Variants in APLF observed in about 807,000 individuals in gnomAD.
APLF encodes aprataxin and PNKP like factor.
In APLF, 61 loss-of-function variants were observed where a neutral mutation model predicts 55.6. The observed-to-expected ratio is 1.10, with a 90% CI of 0.89 to 1.36. The LOEUF is 1.36. Among genes scored for constraint, APLF ranks in the 40% most tolerant of loss-of-function variants. The pLI is 0.00. For missense variants in APLF, 611 were observed against 602.5 expected (o/e 1.01, Z -0.15); for synonymous variants, 207 against 214.8 (o/e 0.96, Z 0.32).
At chr2:68,548,519 A>T (rs926651947) in intron 8 of APLF, among the ~76,000 whole-genome samples, 4 of 152,012 alleles carry the variant, frequency 2.6e-5, no homozygotes, top group Non-Finnish European at 5.9e-5. Flanking sequence ...ACATGCACAC[A>T]CACATAAACA....
At position 68,520,374 on chromosome 2, in the gene APLF, C is replaced by T. The variant is rs543472699; in HGVS notation, c.623-5687C>T. On this transcript the variant is annotated intron_variant, in intron 5 of 9. Coordinates refer to ENST00000303795, the MANE Select transcript of APLF (RefSeq NM_173545.3). The stretch of plus-strand genomic sequence containing the variant: ...TTGCATTTGCTTTTGGGTTCTTGGT[C>T]ATGAAGTCTTTTCCTAAGCCAATTT... Among the ~76,000 whole-genome samples the T allele has an allele frequency of 4.6e-5, 7 of 152,034 alleles. No homozygotes were observed. In the East Asian group the frequency reaches 1.2e-3, roughly 25 times the overall value.
chr2:68,539,556 C>T (rs369719531), intron 7 of APLF, among the ~76,000 whole-genome samples: 8 of 152,290 alleles, frequency 5.3e-5, no homozygotes, highest in African/African-American at 1.9e-4. Context: ...AAGCCCCTAT[C>T]TCCAAATTAG....
chr2:68,478,625 G>A (rs2103883137), intron 1 of APLF, among the ~76,000 whole-genome samples: 1 of 152,318 alleles, frequency 6.6e-6, no homozygotes. Context: ...CCAAGCAGCA[G>A]CAGATGAATT....
chr2:68,487,488 A>C (rs1210235608), intron 1 of APLF, among the ~76,000 whole-genome samples: 2 of 152,164 alleles, frequency 1.3e-5, no homozygotes, highest in South Asian at 2.1e-4. Context: ...GAAGTATAAT[A>C]ATAGTATCTT....
At chr2:68,500,335 ACTTT>A (rs1462009808) in intron 2 of APLF, among the ~76,000 whole-genome samples, 6 of 152,208 alleles carry the variant, frequency 3.9e-5, no homozygotes, top group Non-Finnish European at 8.8e-5. Flanking sequence ...TCATGGGTTC[ACTTT>A]CTTTGTGGCT....
At chr2:68,504,429 A>G (rs955092583) in intron 3 of APLF, among the ~76,000 whole-genome samples, 3 of 151,960 alleles carry the variant, frequency 2.0e-5, no homozygotes, top group African/African-American at 4.8e-5. Context: ...TAAAAAGGAT[A>G]ATACTCTATT....
intron 9 of APLF, among the ~76,000 whole-genome samples, chr2:68,576,243 T>C (rs1404808022): frequency 6.6e-6 from 1 of 152,114 alleles, no homozygotes; most frequent in Non-Finnish European, 1.5e-5. Flanking sequence ...AAAATAGAGA[T>C]ATTGATGTTC....
chr2:68,481,246 C>G (rs1226418671), intron 1 of APLF, among the ~76,000 whole-genome samples: 1 of 152,006 alleles, frequency 6.6e-6, no homozygotes, highest in African/African-American at 2.4e-5. Flanking sequence ...GTAGTAATTC[C>G]TTTAAGTATT....
At chr2:68,537,685 A>G (rs1171766984) in intron 6 of APLF, among the ~76,000 whole-genome samples, 187 bp from the exon 7 acceptor site, 2 of 152,184 alleles carry the variant, frequency 1.3e-5, no homozygotes, top group Admixed American at 6.6e-5. Context: ...TCTTTTCAAA[A>G]AACTAAAAAT....
intron 1 of APLF, among the ~76,000 whole-genome samples, chr2:68,480,843 A>G (rs1675929181): frequency 6.6e-6 from 1 of 152,076 alleles, no homozygotes; most frequent in Admixed American, 6.5e-5. Context: ...ATTATATCAA[A>G]TATTTTTTCT....
chr2:68,499,036 TAAAC>T lies in APLF; in HGVS notation c.169-3683_169-3680del, dbSNP rs377408486. On this transcript the variant is annotated intron_variant, in intron 2 of 9. Coordinates refer to ENST00000303795, the MANE Select transcript of APLF (RefSeq NM_173545.3). ...TGTTAAAAAAAAAAGCTTTCCAAAT[TAAAC>T]AAACAAACAAAACACTGAAAATAAG... Among the ~76,000 whole-genome samples, 265 of 152,234 alleles carry T rather than the reference TAAAC, an allele frequency of 1.7e-3. 1 individual carries two copies. The highest frequency in any genetic ancestry group is 0.014 in the East Asian group (74 of 5,192).
At chr2:68,555,370 G>C (rs960679132) in intron 8 of APLF, among the ~76,000 whole-genome samples, 1 of 152,120 alleles carries the variant, frequency 6.6e-6, no homozygotes, top group African/African-American at 2.4e-5. Flanking sequence ...AGAGTAAACA[G>C]ACAACCCACA....
intron 2 of APLF, among the ~76,000 whole-genome samples, chr2:68,492,658 C>T (rs1676409509): frequency 6.6e-6 from 1 of 152,052 alleles, no homozygotes; most frequent in Non-Finnish European, 1.5e-5. Flanking sequence ...AAATACTCTT[C>T]ACTTTTACTG....
At chr2:68,519,094 TATA>T (rs372727666) in intron 5 of APLF, among the ~76,000 whole-genome samples, 3,282 of 128,412 alleles carry the variant, frequency 0.026, 57 homozygotes, top group Middle Eastern at 0.049. Context: ...ATAATTAATA[TATA>T]ATAATATAAT....
chr2:68,513,372 A>T (rs1000460730), intron 4 of APLF, 145 bp downstream of exon 4: 8 of 1,249,748 alleles, frequency 6.4e-6, no homozygotes, highest in Non-Finnish European at 8.9e-6. Context: ...TCTAGAGAAT[A>T]TGGCAGTAAT....
chr2:68,475,881 T>TTATATATATATA (rs141693033), intron 1 of APLF, among the ~76,000 whole-genome samples: 19 of 148,654 alleles, frequency 1.3e-4, no homozygotes, highest in African/African-American at 4.7e-4. Context: ...TTTAAGTCTT[T>TTATATATATATA]TATATATATA....
At chr2:68,480,569 T>C (rs963618177) in intron 1 of APLF, among the ~76,000 whole-genome samples, 2 of 152,116 alleles carry the variant, frequency 1.3e-5, no homozygotes, top group Admixed American at 6.5e-5. Flanking sequence ...CCCAAAGTGC[T>C]GGGATTACAG....
intron 3 of APLF, among the ~76,000 whole-genome samples, chr2:68,510,472 A>G (rs1677015500): frequency 6.6e-6 from 1 of 151,888 alleles, no homozygotes; most frequent in South Asian, 2.1e-4. Flanking sequence ...TTAACACCGC[A>G]ATGAGATACC....
chr2:68,544,208 A>AC (rs1482632211), intron 7 of APLF, among the ~76,000 whole-genome samples: 1 of 152,030 alleles, frequency 6.6e-6, no homozygotes, highest in African/African-American at 2.4e-5. Context: ...TGAACTCCTG[A>AC]CTTCAAGTGA....
Sources: gnomAD v4.1 joint callset for allele counts (sites outside exome capture counted in the v4.1 genomes callset) on GRCh38, gnomAD v4.1.1 for gene constraint, MANE v1.5 for transcripts, NCBI Gene and HGNC (gene_info 2026-07-23, HGNC 2026-07-21) for gene names.